Variants in CDK14 observed in about 807,000 individuals in gnomAD.
The protein encoded by CDK14 is cyclin dependent kinase 14.
A neutral mutation model predicts 60.7 loss-of-function variants in CDK14; 34 were observed. The observed-to-expected ratio is 0.56, with a 90% confidence interval of 0.43 to 0.75. The LOEUF is 0.75. CDK14 is among the 30% of genes least tolerant of loss of function. The pLI, the probability that CDK14 is intolerant of heterozygous loss-of-function variation, is 0.00. For missense variants in CDK14, 482 were observed against 564.1 expected, an observed-to-expected ratio of 0.85 and a Z score of 1.47; for synonymous variants, 197 against 203.7, an observed-to-expected ratio of 0.97 and a Z score of 0.28.
intron 2 of CDK14, among the ~76,000 whole-genome samples, chr7:90,637,437 G>A: frequency 6.6e-6 from 1 of 152,030 alleles, no homozygotes; most frequent in Non-Finnish European, 1.5e-5. Flanking sequence ...CCATGTAGTT[G>A]AGCGGTTTTG....
intron 14 of CDK14, among the ~76,000 whole-genome samples, chr7:91,199,834 A>T (rs1489384834): frequency 1.3e-5 from 2 of 152,206 alleles, no homozygotes; most frequent in African/African-American, 4.8e-5. Context: ...ATTTTGAATG[A>T]TGGGCCTTCT....
At chr7:90,905,519 TA>T (rs962690029) in intron 7 of CDK14, among the ~76,000 whole-genome samples, 1 of 152,142 alleles carries the variant, frequency 6.6e-6, no homozygotes, top group African/African-American at 2.4e-5. Context: ...TGATGTAATT[TA>T]AAACAAAACA....
intron 14 of CDK14, among the ~76,000 whole-genome samples, chr7:91,161,423 G>C (rs531542611): frequency 1.3e-5 from 2 of 152,202 alleles, no homozygotes; most frequent in Non-Finnish European, 2.9e-5. Flanking sequence ...AATCTGAGTG[G>C]TGAGGTTACT....
chr7:91,000,571 T>C (rs1795809345), intron 10 of CDK14, among the ~76,000 whole-genome samples: 1 of 152,220 alleles, frequency 6.6e-6, no homozygotes, highest in African/African-American at 2.4e-5. Flanking sequence ...GTTGCTACAA[T>C]GACAGAGAGT....
intron 14 of CDK14, among the ~76,000 whole-genome samples, chr7:91,202,966 G>A (rs754599321): frequency 1.3e-4 from 20 of 152,298 alleles, no homozygotes; most frequent in Middle Eastern, 3.4e-3. Context: ...AAAGAATCAG[G>A]ACAAGGCAAG....
chr7:90,928,821 G>T (rs1488672410), intron 8 of CDK14, among the ~76,000 whole-genome samples: 1 of 152,206 alleles, frequency 6.6e-6, no homozygotes, highest in Non-Finnish European at 1.5e-5. Context: ...GCCCCCAGAG[G>T]TGGAGTGTAC....
intron 2 of CDK14, among the ~76,000 whole-genome samples, chr7:90,649,525 TA>T (rs967752287): frequency 6.6e-6 from 1 of 150,388 alleles, no homozygotes; most frequent in Non-Finnish European, 1.5e-5. Context: ...GTTTGTTACA[TA>T]GATGTACATG....
intron 2 of CDK14, among the ~76,000 whole-genome samples, chr7:90,653,268 T>G (rs17875066): frequency 1.3e-5 from 2 of 151,850 alleles, no homozygotes; most frequent in African/African-American, 2.4e-5. Flanking sequence ...ACAACCCCCC[T>G]CTGTTTCTTC....
chr7:91,062,036 G>T (rs1010254540), intron 11 of CDK14, among the ~76,000 whole-genome samples: 1 of 152,202 alleles, frequency 6.6e-6, no homozygotes, highest in Admixed American at 6.5e-5. Flanking sequence ...CTTGAGCTGC[G>T]ATGGGCTCCA....
rs76692909 is a variant in CDK14 at position 90,973,302 on chromosome 7, T to C, written c.948-10846T>C. On this transcript the variant is annotated intron_variant, in intron 9 of 14. Coordinates refer to ENST00000380050, the MANE Select transcript of CDK14 (RefSeq NM_001287135.2). ...CTCCCCCCACCATAATAGTCTAAGT[T>C]TGATGAGTCATTGTTCCTGCTGCAC... Among the ~76,000 whole-genome samples, 1,501 of 152,232 alleles carry C rather than the reference T, an allele frequency of 9.9e-3. 25 individuals are homozygous for C. Among genetic ancestry groups the C allele is most frequent in the African/African-American group, 0.033 (1,378 of 41,526 alleles).
chr7:91,149,911 G>A (rs1584132207), intron 14 of CDK14, among the ~76,000 whole-genome samples: 1 of 152,198 alleles, frequency 6.6e-6, no homozygotes, highest in East Asian at 1.9e-4. Flanking sequence ...GGATTGCGAT[G>A]TAGTGATTTC....
chr7:90,727,730 CA>C (rs1381587102), intron 3 of CDK14, among the ~76,000 whole-genome samples: 1 of 152,078 alleles, frequency 6.6e-6, no homozygotes, highest in African/African-American at 2.4e-5. Context: ...GCCTCCAAAA[CA>C]AATCAGATAA....
chr7:91,107,212 A>G (rs1464964486), intron 12 of CDK14, among the ~76,000 whole-genome samples: 1 of 152,166 alleles, frequency 6.6e-6, no homozygotes, highest in Non-Finnish European at 1.5e-5. Flanking sequence ...ATTGAAGTAG[A>G]CTTCAGTTAT....
intron 2 of CDK14, among the ~76,000 whole-genome samples, chr7:90,639,449 C>T (rs970354408): frequency 2.9e-4 from 44 of 152,162 alleles, no homozygotes; most frequent in South Asian, 2.1e-4. Context: ...CGCAGATTTT[C>T]GTGTTACATG....
At chr7:91,030,846 A>T (rs1328268355) in intron 10 of CDK14, among the ~76,000 whole-genome samples, 3 of 152,152 alleles carry the variant, frequency 2.0e-5, no homozygotes, top group Non-Finnish European at 4.4e-5. Context: ...CTGGGCCTAG[A>T]AGCCTCAGGC....
At chr7:90,813,466 G>C (rs1488904004) in intron 5 of CDK14, among the ~76,000 whole-genome samples, 1 of 152,206 alleles carries the variant, frequency 6.6e-6, no homozygotes. Flanking sequence ...TGACTGATCT[G>C]GCTGGGCGTG....
At chr7:90,824,746 T>C (rs1789664811) in intron 5 of CDK14, 2 of 152,234 alleles carry the variant, frequency 1.3e-5, no homozygotes, top group Non-Finnish European at 2.9e-5. Flanking sequence ...GGTGGATTTA[T>C]GAAATTGTCA....
chr7:90,773,182 G>A (rs1007340729), intron 4 of CDK14, among the ~76,000 whole-genome samples: 1 of 152,138 alleles, frequency 6.6e-6, no homozygotes, highest in African/African-American at 2.4e-5. Context: ...ACAGTTATAA[G>A]CAGAGTACTT....
intron 14 of CDK14, among the ~76,000 whole-genome samples, chr7:91,177,584 C>T (rs1039035451): frequency 6.6e-6 from 1 of 152,134 alleles, no homozygotes; most frequent in Non-Finnish European, 1.5e-5. Context: ...CCGAAATCTC[C>T]TTAAGCTGAT....
Sources: allele counts gnomAD v4.1 joint callset (sites outside exome capture counted in the v4.1 genomes callset), GRCh38; gene constraint gnomAD v4.1.1; transcripts MANE v1.5; gene names NCBI Gene and HGNC (gene_info 2026-07-23, HGNC 2026-07-21).